Variants in WDR27 observed in about 807,000 individuals in gnomAD.
WDR27 encodes the protein WD repeat domain 27, also known as WD repeat-containing protein 27.
WDR27 carries 100 observed loss-of-function variants against 114.4 expected under a neutral mutation model. The ratio of observed to expected loss-of-function variants is 0.87; its 90% CI spans 0.74 to 1.03. WDR27 has a LOEUF of 1.03. WDR27 is among the 50% of genes least tolerant of loss of function. The pLI is 0.00. For missense variants in WDR27, 1,129 were observed against 1,092.9 expected, an observed-to-expected ratio of 1.03 and a Z score of -0.47; for synonymous variants, 449 against 423.1, an observed-to-expected ratio of 1.06 and a Z score of -0.75.
chr6:169,455,526 T>G (rs1407508829), downstream of WDR27, among the ~76,000 whole-genome samples: 1 of 152,210 alleles, frequency 6.6e-6, no homozygotes, highest in Non-Finnish European at 1.5e-5. Flanking sequence ...ACATGATACA[T>G]CCCACCATTA....
chr6:169,660,798 A>G, intron 9 of WDR27, 32 bp from the exon 10 acceptor site: 2 of 1,590,746 alleles, frequency 1.3e-6, no homozygotes, highest in South Asian at 1.1e-5. Flanking sequence ...AAGAATACAC[A>G]ATAATCTTAT....
chr6:169,662,526 C>A, intron 8 of WDR27, 102 bp from the exon 9 acceptor site: 1 of 1,443,154 alleles, frequency 6.9e-7, no homozygotes, highest in Non-Finnish European at 9.4e-7. Flanking sequence ...TGAATGTGCA[C>A]CGTGGAGTCA....
chr6:169,658,754 G>C (rs1199491869), intron 12 of WDR27, among the ~76,000 whole-genome samples: 2 of 150,964 alleles, frequency 1.3e-5, no homozygotes, highest in African/African-American at 2.4e-5. Context: ...CGCGATCTCA[G>C]CTCACTGCAA....
chr6:169,581,560 T>C (rs7769830), intron 24 of WDR27, among the ~76,000 whole-genome samples: 135,832 of 152,128 alleles, frequency 0.89, 61,244 homozygotes, highest in East Asian at 0.99. Context: ...TCAGGACGTA[T>C]GTCGCAGTAT....
intron 2 of WDR27, among the ~76,000 whole-genome samples, chr6:169,675,687 T>C (rs540376762): frequency 2.2e-4 from 33 of 152,272 alleles, no homozygotes; most frequent in African/African-American, 7.2e-4. Flanking sequence ...TGGTTGACAA[T>C]TGGTTGTTTA....
At chr6:169,528,860 A>T (rs1795247345) in intron 25 of WDR27, among the ~76,000 whole-genome samples, 1 of 152,192 alleles carries the variant, frequency 6.6e-6, no homozygotes, top group African/African-American at 2.4e-5. Context: ...GTAGACAAAT[A>T]GTTTGCTCAC....
chr6:169,564,987 G>T (rs1800235598), intron 25 of WDR27, among the ~76,000 whole-genome samples: 1 of 152,196 alleles, frequency 6.6e-6, no homozygotes, highest in Non-Finnish European at 1.5e-5. Flanking sequence ...GAGAGCCGGG[G>T]AGACCCCCAC....
chr6:169,632,627 C>G (rs1185195529), intron 21 of WDR27, among the ~76,000 whole-genome samples: 1 of 152,178 alleles, frequency 6.6e-6, no homozygotes, highest in Non-Finnish European at 1.5e-5. Context: ...GTTCATAGAA[C>G]CTATGTGTCT....
intron 25 of WDR27, among the ~76,000 whole-genome samples, chr6:169,474,496 A>G (rs1201788200): frequency 2.0e-5 from 3 of 152,244 alleles, no homozygotes; most frequent in Admixed American, 2.0e-4. Context: ...CATTGATGAT[A>G]AACATTTAAT....
At chr6:169,656,612 GGAGGGCCCAGGAGGAAGGAGCCAA>G (rs1166603897) in intron 13 of WDR27, among the ~76,000 whole-genome samples, 2 of 152,122 alleles carry the variant, frequency 1.3e-5, no homozygotes, top group Admixed American at 1.3e-4. Flanking sequence ...GAGGAGGCCT[GGAGGGCCCAGGAGGAAGGAGCCAA>G]GAAGGCCCAG....
chr6:169,591,877 T>A (rs1805811053), intron 23 of WDR27, among the ~76,000 whole-genome samples: 2 of 151,538 alleles, frequency 1.3e-5, no homozygotes, highest in South Asian at 2.1e-4. Flanking sequence ...TGGCACAAGA[T>A]GTCCCTGGCT....
intron 1 of WDR27, among the ~76,000 whole-genome samples, chr6:169,697,833 T>C (rs1216675210): frequency 6.6e-6 from 1 of 152,160 alleles, no homozygotes; most frequent in Non-Finnish European, 1.5e-5. Context: ...CAGCCTGGCA[T>C]TTGGGGCCAC....
Position 169,659,032 on chromosome 6 carries a change from G to A in WDR27, c.1319+54C>T, listed in dbSNP as rs548604070. The A allele has an allele frequency of 8.1e-6, 12 of 1,482,942 alleles. No homozygotes were observed. Among genetic ancestry groups the A allele is most frequent in the Middle Eastern group, 3.6e-4 (2 of 5,496 alleles). 91.9% of individuals were successfully genotyped at this position (1,482,942 alleles called of 1,614,324 possible). ...CTTTATTTCTGAACATAGAAATCCA[G>A]ATGGCACTTATTGGTGAACACACAC... On this transcript the variant is annotated intron_variant, in intron 12 of 25. Transcript: ENST00000448612. This position sits in a 1 kb window ranked among gnomAD's most constrained non-coding sequence, Gnocchi z 4.3.
At chr6:169,628,823 G>A (rs1310580875) in intron 21 of WDR27, among the ~76,000 whole-genome samples, 5 of 152,236 alleles carry the variant, frequency 3.3e-5, no homozygotes, top group Non-Finnish European at 5.9e-5. Flanking sequence ...TGCAGGTGGA[G>A]AAATTCTTGT....
Position 169,638,569 on chromosome 6 carries a change from C to G in WDR27, c.1839G>C (p.Ser613=). The change falls in exon 18 of 26, where the codon TCG becomes TCC. Residue 613 remains serine, a synonymous_variant. Transcript: ENST00000448612. Reference sequence around the variant, plus strand: ...GCAGTGCGAGCTCTGCCCCACGAGCCGACCACATTCGCAGGGTCCCGTCCC... The same window carrying G: ...GCAGTGCGAGCTCTGCCCCACGAGCGGACCACATTCGCAGGGTCCCGTCCC... The part of the protein sequence containing the change: ...AARDGTLRMW[S]ARGAELALLL... 1.9e-6 allele frequency: 3 copies of G among 1,610,824 alleles called. No homozygotes were observed. Among genetic ancestry groups the G allele is most frequent in the Non-Finnish European group, 2.5e-6 (3 of 1,178,882 alleles).
Position 169,656,917 on chromosome 6 carries a change from G to T in WDR27, c.1402+1359C>A, listed in dbSNP as rs959181232. Among the ~76,000 whole-genome samples the T allele has an allele frequency of 6.6e-5, 10 of 152,246 alleles. No homozygotes were observed. The South Asian group carries it at 1.2e-3, about 19-fold the overall frequency. Reference sequence around the variant, plus strand: ...GTCAGAGGCCACTCCCAGCCGAGGAGTCAGCTTGGCCCAGAGGCTGCAATG... The same window carrying T: ...GTCAGAGGCCACTCCCAGCCGAGGATTCAGCTTGGCCCAGAGGCTGCAATG... On this transcript the variant is annotated intron_variant, in intron 13 of 25. Coordinates refer to ENST00000448612, the MANE Select transcript of WDR27 (RefSeq NM_182552.5).
At chr6:169,510,780 AT>A (rs1426158193) in intron 25 of WDR27, among the ~76,000 whole-genome samples, 25 of 152,168 alleles carry the variant, frequency 1.6e-4, no homozygotes, top group Non-Finnish European at 3.7e-4. Flanking sequence ...TTAAAGTATA[AT>A]AATAATAAAA....
chr6:169,549,893 A>G (rs1169324937), intron 25 of WDR27, among the ~76,000 whole-genome samples: 1 of 152,208 alleles, frequency 6.6e-6, no homozygotes, highest in East Asian at 1.9e-4. Context: ...GAATAGGCAG[A>G]TTCTTAAGGC....
At chr6:169,580,948 TATATAC>T (rs1359031624) in intron 24 of WDR27, among the ~76,000 whole-genome samples, 24 of 96,988 alleles carry the variant, frequency 2.5e-4, no homozygotes, top group Middle Eastern at 5.6e-3. Context: ...TATATATATA[TATATAC>T]ATATATATAT....
Sources: gnomAD v4.1 joint callset for allele counts (sites outside exome capture counted in the v4.1 genomes callset) on GRCh38, gnomAD v4.1.1 for gene constraint, Gnocchi (gnomAD v3.1) non-coding constraint, MANE v1.5 for transcripts, NCBI Gene and HGNC (gene_info 2026-07-23, HGNC 2026-07-21) for gene names.